Variants in CCDC60 observed in about 807,000 individuals in gnomAD.
The protein encoded by CCDC60 is coiled-coil domain-containing protein 60.
A neutral mutation model predicts 63.5 loss-of-function variants in CCDC60; 54 were observed. The ratio of observed to expected loss-of-function variants is 0.85; its 90% CI spans 0.68 to 1.07. The LOEUF is 1.07. Among genes scored for constraint, CCDC60 ranks in the 50% least tolerant of loss-of-function variants. The pLI, the probability that CCDC60 is intolerant of heterozygous loss-of-function variation, is 0.00. For missense variants in CCDC60, 651 were observed against 684.3 expected, an observed-to-expected ratio of 0.95 and a Z score of 0.54; for synonymous variants, 206 against 238.8, an observed-to-expected ratio of 0.86 and a Z score of 1.27.
intron 4 of CCDC60, among the ~76,000 whole-genome samples, chr12:119,480,917 CCAT>C (rs201125782): frequency 0.019 from 2,753 of 146,954 alleles, 78 homozygotes; most frequent in African/African-American, 0.064. Context: ...CTCACCATCA[CCAT>C]CATCATCACC....
At chr12:119,367,567 T>C (rs1955853368) in intron 1 of CCDC60, among the ~76,000 whole-genome samples, 1 of 152,214 alleles carries the variant, frequency 6.6e-6, no homozygotes, top group Admixed American at 6.5e-5. Flanking sequence ...TGCCCTTAGC[T>C]GTGACCTTGG....
Position 119,388,437 on chromosome 12 carries a change from A to G in CCDC60, c.91-40246A>G, listed in dbSNP as rs572644897. On this transcript the variant is annotated intron_variant, in intron 1 of 13. Transcript: ENST00000327554. ...AATATCCAAGTACCAGTTACTTCGC[A>G]TCTTCATCCACCCTTTAATAAGGCA... is the stretch of plus-strand genomic sequence containing the variant. The G allele has an allele frequency of 3.6e-4, 55 of 152,318 alleles. 1 individual carries two copies. Among genetic ancestry groups the G allele is most frequent in the Admixed American group, 2.7e-3 (41 of 15,304 alleles). The allele number at this position is 152,318 out of a possible 1,614,324, so 9.4% of individuals were successfully genotyped here.
chr12:119,388,635 CTT>C (rs755348600), intron 1 of CCDC60, among the ~76,000 whole-genome samples: 103 of 152,272 alleles, frequency 6.8e-4, no homozygotes, highest in Non-Finnish European at 1.4e-3. Flanking sequence ...AGTTTGCTCT[CTT>C]TTCATTGATT....
At chr12:119,396,205 TG>T (rs538326630) in intron 1 of CCDC60, among the ~76,000 whole-genome samples, 339 of 152,294 alleles carry the variant, frequency 2.2e-3, no homozygotes, top group Non-Finnish European at 4.0e-3. Flanking sequence ...CCTAAAATGC[TG>T]GGACTACAAG....
rs555749522 is a variant in CCDC60 at position 119,385,515 on chromosome 12, T to C, written c.91-43168T>C. ...CTTTCACTTGGCTCGCATTCTTTCT[T>C]GCCTGCTGCCACGTAAGACGTGCCT... is the stretch of plus-strand genomic sequence containing the variant. On this transcript the variant is annotated intron_variant, in intron 1 of 13. Transcript: ENST00000327554. Among the ~76,000 whole-genome samples the C allele has an allele frequency of 5.9e-5, 9 of 152,354 alleles. No individual in the cohort carries two copies. The East Asian group carries it at 1.7e-3, about 29-fold the overall frequency.
intron 9 of CCDC60, among the ~76,000 whole-genome samples, chr12:119,521,807 A>G (rs566328758): frequency 6.6e-6 from 1 of 152,326 alleles, no homozygotes; most frequent in Admixed American, 6.5e-5. Flanking sequence ...GAGGAAGGTC[A>G]GGGCCACCAT....
intron 3 of CCDC60, among the ~76,000 whole-genome samples, chr12:119,477,965 A>G (rs919629270): frequency 3.9e-5 from 6 of 152,138 alleles, no homozygotes; most frequent in African/African-American, 1.2e-4. Flanking sequence ...AGAGAAAAAG[A>G]GAGTGGATTA....
chr12:119,338,873 G>GA (rs1417063101), intron 1 of CCDC60, among the ~76,000 whole-genome samples: 1 of 152,106 alleles, frequency 6.6e-6, no homozygotes. Flanking sequence ...ATGACTGTTG[G>GA]AAAAAACCTC....
chr12:119,482,039 AT>A (rs1431514580), intron 4 of CCDC60, among the ~76,000 whole-genome samples: 28 of 126,916 alleles, frequency 2.2e-4, no homozygotes, highest in African/African-American at 8.6e-4. Context: ...GTGTATATAT[AT>A]GTATATATAT....
chr12:119,421,740 A>ACTCAG (rs1244651921), intron 1 of CCDC60, among the ~76,000 whole-genome samples: 5 of 152,158 alleles, frequency 3.3e-5, no homozygotes, highest in Non-Finnish European at 7.3e-5. Context: ...ACCTCACTCA[A>ACTCAG]GGTCACTGAA....
At chr12:119,507,614 A>ATT (rs1184630442) in intron 7 of CCDC60, among the ~76,000 whole-genome samples, 3,310 of 50,388 alleles carry the variant, frequency 0.066, 580 homozygotes, top group Middle Eastern at 0.11. Context: ...ATATATATAT[A>ATT]TTTTTTTTTT....
intron 1 of CCDC60, among the ~76,000 whole-genome samples, chr12:119,367,576 G>GTACAAT (rs1273570098): frequency 1.3e-5 from 2 of 152,182 alleles, no homozygotes; most frequent in Non-Finnish European, 2.9e-5. Context: ...CTGTGACCTT[G>GTACAAT]GGAAAGCTTA....
chr12:119,400,127 G>A (rs906913583), intron 1 of CCDC60, among the ~76,000 whole-genome samples: 19 of 145,660 alleles, frequency 1.3e-4, no homozygotes, highest in African/African-American at 4.1e-4. Context: ...TCAGCTCACT[G>A]CAACCTCCGC....
At chr12:119,524,474 C>T in intron 11 of CCDC60, 3 of 982,508 alleles carry the variant, frequency 3.1e-6, no homozygotes, top group Non-Finnish European at 3.6e-6. Flanking sequence ...GTTGCACTCT[C>T]ATTTTCACAG....
chr12:119,422,953 C>A (rs1394852533), intron 1 of CCDC60, among the ~76,000 whole-genome samples: 1 of 152,094 alleles, frequency 6.6e-6, no homozygotes, highest in East Asian at 1.9e-4. Context: ...ACACAATGTT[C>A]ATTAATGTCA....
intron 2 of CCDC60, among the ~76,000 whole-genome samples, chr12:119,439,622 T>C (rs1357939021): frequency 6.6e-6 from 1 of 152,154 alleles, no homozygotes; most frequent in Non-Finnish European, 1.5e-5. Flanking sequence ...GTCATCTTGC[T>C]CAAAGAAGTT....
chr12:119,422,348 T>C (rs1489662165), intron 1 of CCDC60, among the ~76,000 whole-genome samples: 1 of 152,208 alleles, frequency 6.6e-6, no homozygotes, highest in Non-Finnish European at 1.5e-5. Flanking sequence ...TATTAGTCCA[T>C]TCTCACACTG....
intron 2 of CCDC60, among the ~76,000 whole-genome samples, chr12:119,434,913 G>A (rs967661737): frequency 6.6e-6 from 1 of 152,186 alleles, no homozygotes; most frequent in African/African-American, 2.4e-5. Flanking sequence ...AGAACCACAG[G>A]AGCATTCTGA....
chr12:119,497,452 C>T (rs138806081), intron 5 of CCDC60, among the ~76,000 whole-genome samples: 3 of 152,330 alleles, frequency 2.0e-5, no homozygotes, highest in African/African-American at 7.2e-5. Flanking sequence ...AGCAAGGGCT[C>T]CGAGCTTTTT....
Sources: allele counts gnomAD v4.1 joint callset (sites outside exome capture counted in the v4.1 genomes callset), GRCh38; gene constraint gnomAD v4.1.1; transcripts MANE v1.5; gene names NCBI Gene and HGNC (gene_info 2026-07-23, HGNC 2026-07-21).